CNTN3: variants seen among roughly 807,000 people sequenced by gnomAD.
CNTN3 encodes contactin-3.
Under a neutral mutation model 119.1 loss-of-function variants are expected in CNTN3, and 60 were observed. That is an observed-to-expected ratio of 0.50 (90% CI 0.41 to 0.62). CNTN3 has a LOEUF of 0.62. Among genes scored for constraint, CNTN3 ranks in the 20% least tolerant of loss-of-function variants. The pLI is 0.00. For missense variants in CNTN3, 1,101 were observed against 1,242.4 expected (o/e 0.89, Z 1.71); for synonymous variants, 450 against 438.7 (o/e 1.03, Z -0.32).
At position 74,498,746 on chromosome 3, in the gene CNTN3, C is replaced by A. The variant is rs1330114269; in HGVS notation, c.182+913G>T. On this transcript the variant is annotated intron_variant, in intron 3 of 22. Transcript: ENST00000263665. ...TAATACTGGCTGAAGTTTGCTTGTT[C>A]TGCAGATTATAGAAAAGGTTTTGTC... is the stretch of plus-strand genomic sequence containing the variant. Among the ~76,000 whole-genome samples, 5 of 151,818 alleles carry A rather than the reference C, an allele frequency of 3.3e-5. No homozygotes were observed. In the South Asian group the frequency reaches 8.3e-4, roughly 25 times the overall value.
intron 5 of CNTN3, among the ~76,000 whole-genome samples, chr3:74,417,329 C>A (rs977053552): frequency 6.6e-6 from 1 of 152,124 alleles, no homozygotes; most frequent in African/African-American, 2.4e-5. Context: ...GGGCAGTATT[C>A]GACAAGTATC....
rs1473076134 is a variant in CNTN3, at chr3:74,298,122, T to A, written c.2236A>T (p.Thr746Ser). The change falls in exon 18 of 23, where the codon ACC (threonine) becomes TCC (serine). Residue 746 changes from threonine (T) to serine (S), a missense_variant. Physicochemically the swap from Thr to Ser is moderately conservative, Grantham distance 58. Coordinates refer to ENST00000263665, the MANE Select transcript of CNTN3 (RefSeq NM_020872.3). ...GTCACCACTGTCTGGATCCAGGTGGTAACCCCAAGAGGGCGGAAAGCAACA... is the reference window on the plus strand; with the variant it reads ...GTCACCACTGTCTGGATCCAGGTGGAAACCCCAAGAGGGCGGAAAGCAACA... ...YVVAFRPLGV[T>S]TWIQTVVTSP... 1.9e-6 allele frequency: 3 copies of A among 1,613,554 alleles called. No homozygotes were observed. In the Admixed American group the frequency reaches 5.0e-5, roughly 27 times the overall value.
intron 13 of CNTN3, among the ~76,000 whole-genome samples, chr3:74,305,305 A>C (rs1465498615): frequency 6.6e-6 from 1 of 152,196 alleles, no homozygotes; most frequent in African/African-American, 2.4e-5. Context: ...TATTGCTGAA[A>C]GGAGTGTAGA....
chr3:74,318,009 C>A (rs1217092060), intron 13 of CNTN3, among the ~76,000 whole-genome samples: 2 of 152,126 alleles, frequency 1.3e-5, no homozygotes, highest in Non-Finnish European at 2.9e-5. Flanking sequence ...TCACATAGTC[C>A]CGTATTTCTT....
rs1704259775 is a variant in CNTN3, at chr3:74,568,438, A to G, written c.-81+45953T>C. 1.3e-5 allele frequency among the ~76,000 whole-genome samples: 2 copies of G among 152,208 alleles called. 1 individual carries two copies. The highest frequency in any genetic ancestry group is 1.3e-4 in the Admixed American group (2 of 15,280). On this transcript the variant is annotated intron_variant, in intron 1 of 22. Coordinates refer to ENST00000263665, the MANE Select transcript of CNTN3 (RefSeq NM_020872.3). ...CATAATTGCTGGTATATCTGGAAAC[A>G]GTAAACTGAACAAACTCAGCCTACT...
chr3:74,462,841 T>C (rs745752017), intron 4 of CNTN3, among the ~76,000 whole-genome samples: 3 of 152,150 alleles, frequency 2.0e-5, no homozygotes, highest in African/African-American at 7.2e-5. Context: ...CCTCACATTA[T>C]TTAAAGACCT....
At chr3:74,430,639 G>T (rs1301400494) in intron 4 of CNTN3, among the ~76,000 whole-genome samples, 1 of 152,024 alleles carries the variant, frequency 6.6e-6, no homozygotes, top group Non-Finnish European at 1.5e-5. Context: ...AGGGAAAGTG[G>T]AGGGAGATAG....
intron 1 of CNTN3, among the ~76,000 whole-genome samples, chr3:74,574,711 G>T (rs1704387065): frequency 2.0e-5 from 3 of 152,052 alleles, no homozygotes; most frequent in South Asian, 4.2e-4. Context: ...ACCAAACTGG[G>T]TTAACTTCAA....
At chr3:74,279,680 G>A (rs1223707114) in intron 20 of CNTN3, among the ~76,000 whole-genome samples, 2 of 152,052 alleles carry the variant, frequency 1.3e-5, no homozygotes, top group African/African-American at 4.8e-5. Flanking sequence ...ACTACAAATT[G>A]GGTGCAGTGT....
At position 74,486,217 on chromosome 3, in the gene CNTN3, CA is replaced by C. The variant is rs1220848017; in HGVS notation, c.358+238del. 2.7e-3 allele frequency among the ~76,000 whole-genome samples: 417 copies of C among 151,774 alleles called. 3 individuals are homozygous for C. The highest frequency in any genetic ancestry group is 9.6e-3 in the African/African-American group (399 of 41,356). On this transcript the variant is annotated intron_variant, in intron 4 of 22. Transcript: ENST00000263665. ...AAAATAGAGCACACACACACACACA[CA>C]CACACCCCTACATGCACACATGCAC...
chr3:74,380,863 T>C (rs896058032), intron 5 of CNTN3, among the ~76,000 whole-genome samples: 10 of 152,190 alleles, frequency 6.6e-5, no homozygotes, highest in African/African-American at 2.2e-4. Context: ...ACTCTTTCCT[T>C]TAAGGAATGT....
At chr3:74,290,826 G>C (rs1239552914) in intron 19 of CNTN3, among the ~76,000 whole-genome samples, 1 of 151,702 alleles carries the variant, frequency 6.6e-6, no homozygotes, top group Non-Finnish European at 1.5e-5. Flanking sequence ...TGAGTAGATG[G>C]GACTACAGGC....
chr3:74,366,774 G>GTATATATATATATATATA (rs1559565914), intron 8 of CNTN3, among the ~76,000 whole-genome samples: 1 of 38,988 alleles, frequency 2.6e-5, no homozygotes, highest in African/African-American at 1.5e-4. Flanking sequence ...GTGTGTGTGT[G>GTATATATATATATATATA]TGTGTGTATA....
At chr3:74,572,878 T>C (rs1331520555) in intron 1 of CNTN3, among the ~76,000 whole-genome samples, 3 of 152,204 alleles carry the variant, frequency 2.0e-5, no homozygotes, top group Non-Finnish European at 2.9e-5. Context: ...GCACGTTATC[T>C]AGAAAACTAG....
At chr3:74,369,401 CTATT>C (rs770921733) in intron 7 of CNTN3, 28 bp from the exon 8 acceptor site, 1 of 1,536,694 alleles carries the variant, frequency 6.5e-7, no homozygotes, top group East Asian at 2.4e-5. Context: ...AAGTTGTCTG[CTATT>C]GTCTGGAAGC....
At chr3:74,499,593 A>T (rs1703127330) in intron 3 of CNTN3, 66 bp downstream of exon 3, 1 of 1,484,234 alleles carries the variant, frequency 6.7e-7, no homozygotes, top group Non-Finnish European at 9.0e-7. Context: ...AGCAAAAAAA[A>T]ATTCACAATC....
In CNTN3 at chr3:74,477,238, C is replaced by T. The variant is rs144384995; in HGVS notation, c.358+9218G>A. Reference sequence around the variant, plus strand: ...AAGAACCTTAGAGGTTTAGAATCTGCCCAAAGTCACATGGCTGCTAAATGA... The same window carrying T: ...AAGAACCTTAGAGGTTTAGAATCTGTCCAAAGTCACATGGCTGCTAAATGA... On this transcript the variant is annotated intron_variant, in intron 4 of 22. Transcript: ENST00000263665. 3.9e-5 allele frequency among the ~76,000 whole-genome samples: 6 copies of T among 152,216 alleles called. No homozygotes were observed. In the East Asian group the frequency reaches 1.2e-3, roughly 29 times the overall value.
intron 1 of CNTN3, among the ~76,000 whole-genome samples, chr3:74,595,524 G>C (rs1428273224): frequency 6.6e-6 from 1 of 151,986 alleles, no homozygotes; most frequent in African/African-American, 2.4e-5. Context: ...GGGATGCAAG[G>C]CTGGTTCAAT....
intron 20 of CNTN3, among the ~76,000 whole-genome samples, chr3:74,269,132 C>T (rs568875381): frequency 2.0e-5 from 3 of 150,754 alleles, no homozygotes; most frequent in African/African-American, 7.3e-5. Context: ...TTACTGTTTT[C>T]TAAACGTCAG....
Sources: gnomAD v4.1 joint callset for allele counts (sites outside exome capture counted in the v4.1 genomes callset) on GRCh38, gnomAD v4.1.1 for gene constraint, MANE v1.5 for transcripts, NCBI Gene and HGNC (gene_info 2026-07-23, HGNC 2026-07-21) for gene names.